CPS1: variants seen among roughly 807,000 people sequenced by gnomAD.
CPS1 encodes carbamoyl-phosphate synthase 1.
CPS1 carries 109 observed loss-of-function variants against 174.6 expected under a neutral mutation model. The observed-to-expected ratio is 0.62, with a 90% CI of 0.53 to 0.73. The LOEUF is 0.73. Among genes scored for constraint, CPS1 ranks in the 30% least tolerant of loss-of-function variants. The pLI is 0.00. For synonymous variants in CPS1, 637 were observed against 632.0 expected, an observed-to-expected ratio of 1.01 and a Z score of -0.12; for missense variants, 1,689 against 1,821.9, an observed-to-expected ratio of 0.93 and a Z score of 1.33.
intron 1 of CPS1, among the ~76,000 whole-genome samples, chr2:210,564,721 G>A (rs1697242682): frequency 6.6e-6 from 1 of 152,014 alleles, no homozygotes; most frequent in South Asian, 2.1e-4. Context: ...GGCCGGACTT[G>A]GTGGCTCACA....
chr2:210,509,375 A>G (rs1226121872), intron 1 of CPS1, among the ~76,000 whole-genome samples: 2 of 152,152 alleles, frequency 1.3e-5, no homozygotes, highest in Non-Finnish European at 2.9e-5. Context: ...TTGATGGGAC[A>G]TATCTCAAAA....
At position 210,605,188 on chromosome 2, in the gene CPS1, T is replaced by G; in HGVS notation, c.1923T>G (p.Asp641Glu). The change falls in exon 17 of 38, where the codon GAT (aspartate) becomes GAG (glutamate). Residue 641 changes from aspartate (D) to glutamate (E), a missense_variant. By Grantham distance (45) the Asp-to-Glu change is conservative. Transcript: ENST00000233072. Reference sequence around the variant, plus strand: ...AATATGAAGTGGTTCGAGATGCTGATGACAATTGTGTCACTGTCTGTAACA... The same window carrying G: ...AATATGAAGTGGTTCGAGATGCTGAGGACAATTGTGTCACTGTCTGTAACA... ...EIEYEVVRDADDNCVTVCNME... is the reference protein window; with the variant it reads ...EIEYEVVRDAEDNCVTVCNME... The G allele has an allele frequency of 6.2e-7, 1 of 1,612,300 alleles. No homozygotes were observed.
At chr2:210,606,644 T>A in intron 17 of CPS1, 87 bp from the exon 18 acceptor site, 1 of 1,184,148 alleles carries the variant, frequency 8.4e-7, no homozygotes, top group African/African-American at 1.5e-5. Context: ...CTGTTCTATG[T>A]CTTGCATCGT....
intron 36 of CPS1, 126 bp from the exon 37 acceptor site, chr2:210,676,881 G>A (rs1442725151): frequency 1.2e-5 from 10 of 809,590 alleles, no homozygotes; most frequent in Non-Finnish European, 2.1e-5. Context: ...CAATAGAGGA[G>A]GGCAGATGGC....
chr2:210,599,609 G>A (rs1698637347), intron 14 of CPS1, 48 bp downstream of exon 14: 1 of 1,552,142 alleles, frequency 6.4e-7, no homozygotes, highest in Non-Finnish European at 8.9e-7. Context: ...ATGCACTGCT[G>A]TGTAATGTAT....
intron 1 of CPS1, among the ~76,000 whole-genome samples, chr2:210,566,574 A>C (rs1193133434): frequency 6.6e-6 from 1 of 152,216 alleles, no homozygotes; most frequent in Non-Finnish European, 1.5e-5. Flanking sequence ...AATTTCTTTT[A>C]ATCCTCACTT....
chr2:210,628,523 C>G (rs1444021005), intron 21 of CPS1, among the ~76,000 whole-genome samples: 1 of 152,052 alleles, frequency 6.6e-6, no homozygotes, highest in African/African-American at 2.4e-5. Flanking sequence ...AAAAAATAAG[C>G]AGTAGTTATT....
rs1456580527 is a variant in CPS1, at chr2:210,588,122, A to G, written c.686A>G (p.Asn229Ser). 1 of 1,612,756 alleles carries G rather than the reference A, an allele frequency of 6.2e-7. No homozygotes were observed. The highest frequency in any genetic ancestry group is 8.5e-7 in the Non-Finnish European group (1 of 1,179,160). ...GTAGCTGTAGACTGTGGGATTAAAA[A>G]CAATGTAATCCGCCTGCTAGTAAAG... Reference protein sequence around the residue: ...KVVAVDCGIKNNVIRLLVKRG... With the variant: ...KVVAVDCGIKSNVIRLLVKRG... Residue 229 changes from asparagine to serine, a missense_variant, in exon 7 of 38, where the codon AAC (asparagine) becomes AGC (serine). Transcript: ENST00000233072.
In CPS1 at chr2:210,677,083, G is replaced by A; in HGVS notation, c.4351G>A (p.Val1451Met). 1 of 1,613,760 alleles carries A rather than the reference G, an allele frequency of 6.2e-7. No individual in the cohort carries two copies. Residue 1451 changes from valine (V) to methionine (M), a missense_variant, in exon 37 of 38, where the codon GTG becomes ATG. Coordinates refer to ENST00000233072, the MANE Select transcript of CPS1 (RefSeq NM_001875.5). ...NNTKFVHDNY[V>M]IRRTAVDSGI... Reference sequence around the variant, plus strand: ...CACTAAATTTGTCCATGATAATTATGTGATTCGGAGGACAGCTGTTGATAG... The same window carrying A: ...CACTAAATTTGTCCATGATAATTATATGATTCGGAGGACAGCTGTTGATAG...
intron 1 of CPS1, among the ~76,000 whole-genome samples, chr2:210,530,415 T>C (rs115354675): frequency 0.014 from 2,087 of 152,188 alleles, 41 homozygotes; most frequent in African/African-American, 0.047. Flanking sequence ...AAATTTCCTT[T>C]CTTATGTTGC....
At position 210,612,225 on chromosome 2, in the gene CPS1, C is replaced by A. The variant is rs748080301; in HGVS notation, c.2500C>A (p.Pro834Thr). 3.7e-6 allele frequency: 6 copies of A among 1,612,126 alleles called. No individual in the cohort carries two copies. In the East Asian group the frequency reaches 1.3e-4, roughly 36 times the overall value. The change falls in exon 20 of 38, where the codon CCA becomes ACA. Residue 834 changes from proline to threonine, a missense_variant. Physicochemically the swap from Pro to Thr is conservative, Grantham distance 38 (BLOSUM62 -1). Transcript: ENST00000233072. ...TPRLPMNKEW[P>T]SNLDLRKELS... ...CCGTCTCCCAATGAACAAAGAATGG[C>A]CATCTAATTTAGATCTTAGAAAAGA...
intron 6 of CPS1, among the ~76,000 whole-genome samples, chr2:210,585,189 G>A (rs780382561): frequency 6.6e-6 from 1 of 151,930 alleles, no homozygotes; most frequent in Non-Finnish European, 1.5e-5. Flanking sequence ...ACTGCCTATA[G>A]TACCTTTCAC....
intron 20 of CPS1, among the ~76,000 whole-genome samples, chr2:210,613,085 C>G (rs546137803): frequency 6.6e-6 from 1 of 151,992 alleles, no homozygotes; most frequent in Non-Finnish European, 1.5e-5. Flanking sequence ...TTCTACAAAG[C>G]TCTACTGACC....
chr2:210,484,109 T>C (rs1409417178), intron 1 of CPS1, among the ~76,000 whole-genome samples: 2 of 152,134 alleles, frequency 1.3e-5, no homozygotes, highest in Non-Finnish European at 2.9e-5. Context: ...GAACTCATGG[T>C]GGGAGAGTCA....
chr2:210,582,698 G>A lies in CPS1; in HGVS notation c.610G>A (p.Val204Ile). ...AAATAAACAGAATTTGATTGCTGAG[G>A]TTTCAACCAAGGTGAGGGGTTTTCC... is the stretch of plus-strand genomic sequence containing the variant. ...DPNKQNLIAE[V>I]STKDVKVYGK... The change falls in exon 6 of 38, where the codon GTT becomes ATT. Residue 204 changes from valine to isoleucine, a missense_variant. Val to Ile is a conservative substitution (Grantham distance 29). Coordinates refer to ENST00000233072, the MANE Select transcript of CPS1 (RefSeq NM_001875.5). The A allele has an allele frequency of 1.9e-6, 3 of 1,611,880 alleles. No homozygotes were observed. Among genetic ancestry groups the A allele is most frequent in the Non-Finnish European group, 2.5e-6 (3 of 1,178,224 alleles).
intron 1 of CPS1, among the ~76,000 whole-genome samples, chr2:210,511,828 G>A (rs1176998434): frequency 6.6e-6 from 1 of 151,970 alleles, no homozygotes; most frequent in Non-Finnish European, 1.5e-5. Context: ...ACAATTGCAG[G>A]CATATATACC....
chr2:210,506,529 A>T (rs1695290736), intron 1 of CPS1, among the ~76,000 whole-genome samples: 1 of 152,002 alleles, frequency 6.6e-6, no homozygotes. Context: ...TGAAACATGG[A>T]GAATGACTCT....
chr2:210,546,167 G>A (rs779636017), intron 1 of CPS1, among the ~76,000 whole-genome samples: 1 of 152,064 alleles, frequency 6.6e-6, no homozygotes, highest in African/African-American at 2.4e-5. Flanking sequence ...TTTATTCTCG[G>A]ATCTAGCACC....
chr2:210,562,429 T>C (rs79438298), intron 1 of CPS1, among the ~76,000 whole-genome samples: 1 of 152,180 alleles, frequency 6.6e-6, no homozygotes, highest in African/African-American at 2.4e-5. Flanking sequence ...AGAAGTCTCA[T>C]GAAATATTTC....
Sources: gnomAD v4.1 joint callset for allele counts (sites outside exome capture counted in the v4.1 genomes callset) on GRCh38, gnomAD v4.1.1 for gene constraint, MANE v1.5 for transcripts, NCBI Gene and HGNC (gene_info 2026-07-23, HGNC 2026-07-21) for gene names.